RMND1: variants seen among roughly 807,000 people sequenced by gnomAD.
RMND1 encodes required for meiotic nuclear division 1 homolog.
Under a neutral mutation model 54.0 loss-of-function variants are expected in RMND1, and 41 were observed. The observed-to-expected ratio is 0.76, with a 90% confidence interval of 0.59 to 0.98. The LOEUF is 0.98. RMND1 is among the 50% of genes least tolerant of loss of function. The pLI, the probability that RMND1 is intolerant of heterozygous loss-of-function variation, is 0.00. For missense variants in RMND1, 457 were observed against 532.0 expected, an observed-to-expected ratio of 0.86 and a Z score of 1.39; for synonymous variants, 183 against 181.7, an observed-to-expected ratio of 1.01 and a Z score of -0.06.
At position 151,405,166 on chromosome 6, in the gene RMND1, G is replaced by T. The variant is rs1030864239; in HGVS notation, c.*69C>A. 1 of 1,462,428 alleles carries T rather than the reference G, an allele frequency of 6.8e-7. No homozygotes were observed. Among genetic ancestry groups the T allele is most frequent in the African/African-American group, 1.4e-5 (1 of 71,720 alleles). The allele number at this position is 1,462,428 out of a possible 1,614,324, so 90.6% of individuals were successfully genotyped here. On this transcript the variant is annotated 3_prime_UTR_variant, in exon 12 of 12. Coordinates refer to ENST00000444024, the MANE Select transcript of RMND1 (RefSeq NM_017909.4). The stretch of plus-strand genomic sequence containing the variant: ...ATTACAGGCATGAGGCACCGCGCCG[G>T]GCCGAACATTTAATTTTTGATTGTA...
intron 9 of RMND1, among the ~76,000 whole-genome samples, chr6:151,420,258 G>A (rs1780118404): frequency 6.6e-6 from 1 of 152,136 alleles, no homozygotes; most frequent in Admixed American, 6.5e-5. Context: ...TATGCTGCAG[G>A]ATGCTCCTGA....
At chr6:151,438,493 T>C (rs1780678735) in intron 2 of RMND1, among the ~76,000 whole-genome samples, 1 of 152,162 alleles carries the variant, frequency 6.6e-6, no homozygotes, top group African/African-American at 2.4e-5. Context: ...GGCTGTCTCT[T>C]TTGCTAGAAT....
chr6:151,417,529 T>C (rs565714774), intron 9 of RMND1, 130 bp from the exon 10 acceptor site: 1 of 646,822 alleles, frequency 1.5e-6, no homozygotes, highest in Non-Finnish European at 2.5e-6. Flanking sequence ...TCTTGCTATG[T>C]TACCCGGGAT....
intron 3 of RMND1, 137 bp from the exon 4 acceptor site, chr6:151,433,367 C>CT: frequency 2.1e-6 from 1 of 487,552 alleles, no homozygotes; most frequent in Non-Finnish European, 3.6e-6. Flanking sequence ...CAATCACCAT[C>CT]TTTCTACTAA....
rs1562792035 is a variant in RMND1, at chr6:151,427,493, G to A, written c.819C>T (p.Tyr273=). Residue 273 remains tyrosine, a synonymous_variant, in exon 6 of 12, where the codon TAC becomes TAT. Transcript: ENST00000444024. ...GAAAAGTTGCTTACTCTATTTTTAT[G>A]TAGTTAAGTTCTTCATTTTCCCAGT... The part of the protein sequence containing the change: ...LVHWENEELN[Y]IKIEGQSKLH... 6.3e-7 allele frequency: 1 copy of A among 1,596,780 alleles called. No individual in the cohort carries two copies. Among genetic ancestry groups the A allele is most frequent in the Non-Finnish European group, 8.6e-7 (1 of 1,165,532 alleles).
chr6:151,436,448 C>T lies in RMND1; in HGVS notation c.611G>A (p.Arg204Lys), dbSNP rs1780616502. Reference sequence around the variant, plus strand: ...GCCCCAGGTTCAAGAAGAAGTACCTCTAGGCAAGCTTGTTACTTCAACATA... The same window carrying T: ...GCCCCAGGTTCAAGAAGAAGTACCTTTAGGCAAGCTTGTTACTTCAACATA... ...HGYVEVTSLP[R>K]DAANILVMGV... Residue 204 changes from arginine to lysine, a missense_variant and splice_region_variant, in exon 3 of 12, where the codon AGA becomes AAA. Coordinates refer to ENST00000444024, the MANE Select transcript of RMND1 (RefSeq NM_017909.4). The T allele has an allele frequency of 1.2e-6, 2 of 1,613,744 alleles. No individual in the cohort carries two copies. Among genetic ancestry groups the T allele is most frequent in the Non-Finnish European group, 1.7e-6 (2 of 1,179,784 alleles).
At chr6:151,409,021 CTTGTT>C (rs1319440761) in intron 10 of RMND1, 9 of 152,312 alleles carry the variant, frequency 5.9e-5, no homozygotes, top group South Asian at 2.1e-4. Context: ...TCTGGAAGTA[CTTGTT>C]TTAACATTTA....
Position 151,433,131 on chromosome 6 carries a change from AATGG to A in RMND1, c.689+20_689+23del. On this transcript the variant is annotated intron_variant, in intron 4 of 11. Transcript: ENST00000444024. ...ACTTGACCCAAACCCATCATCACCT[AATGG>A]GGTTTCTTTCCTGTCTTACCTGAAG... 6.6e-7 allele frequency: 1 copy of A among 1,521,018 alleles called. No individual in the cohort carries two copies. Among genetic ancestry groups the A allele is most frequent in the Admixed American group, 1.7e-5 (1 of 57,946 alleles). 94.2% of individuals were successfully genotyped at this position (1,521,018 alleles called of 1,614,324 possible).
chr6:151,433,699 A>G (rs1225053287), intron 3 of RMND1, among the ~76,000 whole-genome samples: 1 of 152,238 alleles, frequency 6.6e-6, no homozygotes, highest in African/African-American at 2.4e-5. Context: ...ATTTTAAAGT[A>G]TAAAAAGTAG....
intron 10 of RMND1, among the ~76,000 whole-genome samples, chr6:151,414,509 T>G (rs1221696458): frequency 6.6e-6 from 1 of 152,122 alleles, no homozygotes; most frequent in Non-Finnish European, 1.5e-5. Context: ...TTAGATGATG[T>G]TAGAGCAACC....
Position 151,450,728 on chromosome 6 carries a change from G to A in RMND1, c.-15+1288C>T, listed in dbSNP as rs572431866. 2.2e-3 allele frequency among the ~76,000 whole-genome samples: 334 copies of A among 151,774 alleles called. 2 individuals are homozygous for A. Among genetic ancestry groups the A allele is most frequent in the Non-Finnish European group, 4.0e-3 (271 of 67,840 alleles). On this transcript the variant is annotated intron_variant, in intron 1 of 11. Coordinates refer to ENST00000444024, the MANE Select transcript of RMND1 (RefSeq NM_017909.4). Reference sequence around the variant, plus strand: ...CTCAACAGCTCATTGAGAACGGGACGGGATGACAATGGCGGTTTTGTGTAA... The same window carrying A: ...CTCAACAGCTCATTGAGAACGGGACAGGATGACAATGGCGGTTTTGTGTAA...
At chr6:151,419,138 C>T (rs1366067706) in intron 9 of RMND1, among the ~76,000 whole-genome samples, 1 of 151,610 alleles carries the variant, frequency 6.6e-6, no homozygotes, top group East Asian at 2.0e-4. Context: ...ATCCTGGCTC[C>T]ACTGCAACCT....
intron 2 of RMND1, among the ~76,000 whole-genome samples, chr6:151,440,736 T>C (rs2114964873): frequency 6.6e-6 from 1 of 152,362 alleles, no homozygotes; most frequent in African/African-American, 2.4e-5. Flanking sequence ...CTTGACGTTT[T>C]AGACACTTTG....
chr6:151,417,567 C>T (rs1274296024), intron 9 of RMND1, among the ~76,000 whole-genome samples, 168 bp from the exon 10 acceptor site: 2 of 151,776 alleles, frequency 1.3e-5, no homozygotes, highest in Non-Finnish European at 2.9e-5. Flanking sequence ...TCACAACTCA[C>T]TGCAAACTGA....
At chr6:151,412,615 G>A (rs767640283) in intron 10 of RMND1, among the ~76,000 whole-genome samples, 2 of 152,152 alleles carry the variant, frequency 1.3e-5, no homozygotes, top group Admixed American at 6.5e-5. Flanking sequence ...TACCTGAGAC[G>A]GGGTAATTTA....
intron 4 of RMND1, among the ~76,000 whole-genome samples, chr6:151,432,135 C>T (rs558084613): frequency 4.7e-4 from 71 of 152,064 alleles, no homozygotes; most frequent in Non-Finnish European, 7.9e-4. Flanking sequence ...GACAGGGTTT[C>T]ACCATGTTGG....
rs993002070 is a variant in RMND1 at position 151,424,770 on chromosome 6, C to T, written c.831-1139G>A. On this transcript the variant is annotated intron_variant, in intron 6 of 11. Coordinates refer to ENST00000444024, the MANE Select transcript of RMND1 (RefSeq NM_017909.4). ...TCCTAGACAGGGGACAGGGGAAGAG[C>T]GGAATGTGTGAATATAAACATCACA... 6.6e-5 allele frequency among the ~76,000 whole-genome samples: 10 copies of T among 151,904 alleles called. No individual in the cohort carries two copies. In the East Asian group the frequency reaches 1.4e-3, roughly 21 times the overall value.
chr6:151,421,538 T>C (rs1338545464), intron 8 of RMND1, among the ~76,000 whole-genome samples: 1 of 152,116 alleles, frequency 6.6e-6, no homozygotes, highest in Non-Finnish European at 1.5e-5. Flanking sequence ...TCCCTTCTCA[T>C]CAGCATTTTC....
rs1562796581 is a variant in RMND1, at chr6:151,436,433, C to A, written c.613+13G>T. The A allele has an allele frequency of 6.2e-7, 1 of 1,613,472 alleles. No individual in the cohort carries two copies. The highest frequency in any genetic ancestry group is 2.2e-5 in the East Asian group (1 of 44,880). ...ATTTTAACATACTTGGCCCCAGGTT[C>A]AAGAAGAAGTACCTCTAGGCAAGCT... On this transcript the variant is annotated intron_variant, in intron 3 of 11. Transcript: ENST00000444024.
Sources: allele counts gnomAD v4.1 joint callset (sites outside exome capture counted in the v4.1 genomes callset), GRCh38; gene constraint gnomAD v4.1.1; transcripts MANE v1.5; gene names NCBI Gene and HGNC (gene_info 2026-07-23, HGNC 2026-07-21).